The following NELL2 variants were observed in gnomAD, a reference collection of about 807,000 sequenced individuals.
NELL2 encodes protein kinase C-binding protein NELL2.
Under a neutral mutation model 109.6 loss-of-function variants are expected in NELL2, and 41 were observed. The observed-to-expected ratio is 0.37, with a 90% confidence interval of 0.29 to 0.49. The LOEUF (loss-of-function observed/expected upper bound fraction) is 0.49. Ranked by LOEUF, NELL2 falls within the 20% of genes least tolerant of loss-of-function variation. The pLI is 0.98. For synonymous variants in NELL2, 355 were observed against 344.7 expected (o/e 1.03, Z -0.33); for missense variants, 900 against 1,008.3 (o/e 0.89, Z 1.45).
At chr12:44,850,210 T>C (rs966938906) in intron 2 of NELL2, among the ~76,000 whole-genome samples, 1 of 152,182 alleles carries the variant, frequency 6.6e-6, no homozygotes, top group Non-Finnish European at 1.5e-5. Context: ...TTGAGGGACA[T>C]AACTTCTAAT....
intron 3 of NELL2, among the ~76,000 whole-genome samples, chr12:44,791,878 T>C (rs1199890631): frequency 6.6e-6 from 1 of 151,504 alleles, no homozygotes; most frequent in African/African-American, 2.4e-5. Flanking sequence ...CATATGGGCA[T>C]GGGAATATGG....
intron 2 of NELL2, among the ~76,000 whole-genome samples, chr12:44,850,118 A>G (rs1285207987): frequency 6.6e-6 from 1 of 152,176 alleles, no homozygotes; most frequent in African/African-American, 2.4e-5. Flanking sequence ...TTGTGCATTT[A>G]ATTGCATGTT....
intron 15 of NELL2, among the ~76,000 whole-genome samples, chr12:44,601,418 C>T (rs1316512695): frequency 6.6e-6 from 1 of 151,990 alleles, no homozygotes; most frequent in Admixed American, 6.6e-5. Flanking sequence ...TTAAAGTTTG[C>T]ATTAGGACAA....
At chr12:44,586,576 C>A (rs1057221402) in intron 15 of NELL2, among the ~76,000 whole-genome samples, 4 of 152,050 alleles carry the variant, frequency 2.6e-5, no homozygotes, top group African/African-American at 9.7e-5. Context: ...ACGGAATTTA[C>A]CAAACAACAA....
intron 13 of NELL2, among the ~76,000 whole-genome samples, chr12:44,658,899 A>AG (rs1947618528): frequency 6.7e-6 from 1 of 149,738 alleles, no homozygotes; most frequent in Admixed American, 6.7e-5. Context: ...AAAAAAAAAA[A>AG]GAAAAGAAAA....
intron 9 of NELL2, chr12:44,774,498 CAT>C (rs1192011107): frequency 1.8e-5 from 7 of 395,240 alleles, no homozygotes; most frequent in African/African-American, 4.1e-5. Flanking sequence ...GTTTCTTACA[CAT>C]GTTTCCTACT....
chr12:44,582,938 C>G (rs763449601), intron 15 of NELL2, among the ~76,000 whole-genome samples: 2 of 152,008 alleles, frequency 1.3e-5, no homozygotes, highest in African/African-American at 4.8e-5. Context: ...AAGTTTGGCC[C>G]CTTCTTGCTC....
intron 3 of NELL2, among the ~76,000 whole-genome samples, chr12:44,783,589 T>C (rs1040019146): frequency 6.9e-6 from 1 of 145,710 alleles, no homozygotes; most frequent in Non-Finnish European, 1.5e-5. Context: ...GTTTGACAAA[T>C]GACACAAAAT....
At chr12:44,577,672 G>T (rs1944157349) in intron 15 of NELL2, among the ~76,000 whole-genome samples, 1 of 151,724 alleles carries the variant, frequency 6.6e-6, no homozygotes, top group African/African-American at 2.4e-5. Context: ...TAGAGATGGG[G>T]TTTCACCATG....
rs368335695 is a variant in NELL2 at position 44,523,903 on chromosome 12, A to T, written c.1805-419T>A. ...GGTGATTATAGAAAAATCCCTTCTTAGTGGGAGATGAAATGTCATGAGATC... is the reference window on the plus strand; with the variant it reads ...GGTGATTATAGAAAAATCCCTTCTTTGTGGGAGATGAAATGTCATGAGATC... On this transcript the variant is annotated intron_variant, in intron 16 of 19. Transcript: ENST00000429094. 7.4e-4 allele frequency among the ~76,000 whole-genome samples: 112 copies of T among 152,234 alleles called. 3 individuals are homozygous for T. The South Asian group carries it at 0.023, about 31-fold the overall frequency.
Position 44,798,946 on chromosome 12 carries a change from CTTTTTTTTTTTTT to C in NELL2, c.335+17027_335+17039del, listed in dbSNP as rs1157006162. ...AAAAGAACTTTGCAAATGATTTCCA[CTTTTTTTTTTTTT>C]TTTTTTTTTTTTTTTTTGAGACAGA... On this transcript the variant is annotated intron_variant, in intron 3 of 19. Coordinates refer to ENST00000429094, the MANE Select transcript of NELL2 (RefSeq NM_001145108.2). 7.7e-5 allele frequency among the ~76,000 whole-genome samples: 6 copies of C among 77,444 alleles called. No homozygotes were observed. In the East Asian group the frequency reaches 1.2e-3, roughly 15 times the overall value. 50.8% of individuals were successfully genotyped at this position (77,444 alleles called of 152,430 possible). A position where few individuals can be genotyped will look rare whatever the true frequency, so the allele number is the denominator to read the frequency against.
At position 44,585,520 on chromosome 12, in the gene NELL2, A is replaced by G. The variant is rs1320679409; in HGVS notation, c.1663+21649T>C. On this transcript the variant is annotated intron_variant, in intron 15 of 19. Transcript: ENST00000429094. ...AGGAGGCTGAGGCAGGAAAAAAAAT[A>G]AAACAAGAGTTAAATATATTATGAT... is the stretch of plus-strand genomic sequence containing the variant. Among the ~76,000 whole-genome samples, 5 of 152,078 alleles carry G rather than the reference A, an allele frequency of 3.3e-5. No homozygotes were observed. The South Asian group carries it at 8.3e-4, about 25-fold the overall frequency.
chr12:44,713,992 A>C (rs1435594931), intron 10 of NELL2, among the ~76,000 whole-genome samples: 2 of 151,980 alleles, frequency 1.3e-5, no homozygotes, highest in East Asian at 3.9e-4. Flanking sequence ...AGTTTCCTTC[A>C]TATAGAATAA....
At chr12:44,865,910 A>G (rs761697142) in intron 2 of NELL2, among the ~76,000 whole-genome samples, 8 of 152,140 alleles carry the variant, frequency 5.3e-5, no homozygotes, top group Non-Finnish European at 7.4e-5. Flanking sequence ...GCTATGGTTT[A>G]AGTGTATACG....
chr12:44,648,729 A>AT (rs1566084746), intron 13 of NELL2, among the ~76,000 whole-genome samples: 17 of 100,788 alleles, frequency 1.7e-4, no homozygotes, highest in Admixed American at 4.6e-4. Context: ...ATATATATAT[A>AT]TATTTTTTTT....
At chr12:44,716,559 A>T (rs1489483800) in intron 9 of NELL2, among the ~76,000 whole-genome samples, 1 of 152,128 alleles carries the variant, frequency 6.6e-6, no homozygotes, top group Non-Finnish European at 1.5e-5. Context: ...TCTAATTTTT[A>T]GGATTTTTTT....
At chr12:44,823,601 T>G (rs958342808) in intron 2 of NELL2, among the ~76,000 whole-genome samples, 1 of 152,198 alleles carries the variant, frequency 6.6e-6, no homozygotes, top group Non-Finnish European at 1.5e-5. Context: ...GATATTCCTT[T>G]GTGTGTATAT....
intron 9 of NELL2, among the ~76,000 whole-genome samples, chr12:44,716,534 T>C (rs569451334): frequency 1.3e-5 from 2 of 152,262 alleles, no homozygotes; most frequent in African/African-American, 2.4e-5. Flanking sequence ...GATTGCAAAA[T>C]TTACCTCTCT....
At chr12:44,689,485 T>C (rs1184752197) in intron 12 of NELL2, among the ~76,000 whole-genome samples, 1 of 152,206 alleles carries the variant, frequency 6.6e-6, no homozygotes, top group Non-Finnish European at 1.5e-5. Context: ...CATCATATTA[T>C]ATCTCTCTCA....
Sources: allele counts gnomAD v4.1 joint callset (sites outside exome capture counted in the v4.1 genomes callset), GRCh38; gene constraint gnomAD v4.1.1; transcripts MANE v1.5; gene names NCBI Gene and HGNC (gene_info 2026-07-23, HGNC 2026-07-21).